CDH12: variants seen among roughly 807,000 people sequenced by gnomAD.
CDH12 encodes cadherin-12.
A neutral mutation model predicts 74.1 loss-of-function variants in CDH12; 41 were observed. That is an observed-to-expected ratio of 0.55 (90% CI 0.43 to 0.72). The LOEUF (loss-of-function observed/expected upper bound fraction) is 0.72, where lower values mean the gene tolerates loss of function less well. Ranked by LOEUF, CDH12 falls within the 30% of genes least tolerant of loss-of-function variation. The pLI is 0.00. For missense variants in CDH12, 945 were observed against 977.2 expected, an observed-to-expected ratio of 0.97 and a Z score of 0.44; for synonymous variants, 399 against 355.0, an observed-to-expected ratio of 1.12 and a Z score of -1.39.
At chr5:22,243,815 C>G (rs1443889893) in intron 3 of CDH12, among the ~76,000 whole-genome samples, 2 of 152,092 alleles carry the variant, frequency 1.3e-5, no homozygotes, top group Non-Finnish European at 2.9e-5. Context: ...GTCTCAGTGT[C>G]CTAACCTGTA....
At chr5:22,126,625 T>G (rs1243667724) in intron 4 of CDH12, among the ~76,000 whole-genome samples, 3 of 152,244 alleles carry the variant, frequency 2.0e-5, no homozygotes, top group African/African-American at 7.2e-5. Flanking sequence ...TCTATTCTAT[T>G]TGAGTATTTG....
intron 1 of CDH12, among the ~76,000 whole-genome samples, chr5:22,519,794 T>C (rs1349124293): frequency 6.6e-6 from 1 of 152,204 alleles, no homozygotes; most frequent in Admixed American, 6.5e-5. Flanking sequence ...TATTTTACTG[T>C]ATAGCTAAAA....
intron 4 of CDH12, among the ~76,000 whole-genome samples, chr5:22,153,876 A>G (rs1207987653): frequency 3.6e-5 from 2 of 55,746 alleles, no homozygotes; most frequent in African/African-American, 1.1e-4. Context: ...ATATATGTAT[A>G]TATATATATA....
intron 6 of CDH12, among the ~76,000 whole-genome samples, chr5:21,955,404 T>C (rs944494591): frequency 1.5e-4 from 23 of 151,940 alleles, no homozygotes; most frequent in Non-Finnish European, 8.8e-5. Context: ...CTAGTTATGG[T>C]GGGATATTAT....
Position 22,019,546 on chromosome 5 carries a change from G to A in CDH12, c.232-44161C>T, listed in dbSNP as rs562979303. On this transcript the variant is annotated intron_variant, in intron 5 of 14. Coordinates refer to ENST00000382254, the MANE Select transcript of CDH12 (RefSeq NM_004061.5). ...TGGAATACTGTCCTCGTAAGGAGAGGAAGAGACTAGAGCTCTCTGTCTCCA... is the reference window on the plus strand; with the variant it reads ...TGGAATACTGTCCTCGTAAGGAGAGAAAGAGACTAGAGCTCTCTGTCTCCA... 2.0e-5 allele frequency among the ~76,000 whole-genome samples: 3 copies of A among 152,260 alleles called. No homozygotes were observed. The East Asian group carries it at 5.8e-4, about 29-fold the overall frequency.
chr5:21,827,041 C>G (rs1748714084), intron 8 of CDH12, among the ~76,000 whole-genome samples: 1 of 151,972 alleles, frequency 6.6e-6, no homozygotes. Context: ...AAGAAAAAGG[C>G]ACAATTGGTT....
At chr5:22,001,469 C>T (rs1736597101) in intron 5 of CDH12, among the ~76,000 whole-genome samples, 1 of 152,016 alleles carries the variant, frequency 6.6e-6, no homozygotes, top group African/African-American at 2.4e-5. Flanking sequence ...TCTTTTGGGG[C>T]TTTTTAGGAA....
chr5:22,333,565 C>A (rs958633282), intron 3 of CDH12, among the ~76,000 whole-genome samples: 1 of 152,080 alleles, frequency 6.6e-6, no homozygotes, highest in Non-Finnish European at 1.5e-5. Context: ...TAAAAAAGAA[C>A]TAGTAATACT....
At chr5:22,549,441 C>T (rs1358543929) in intron 1 of CDH12, among the ~76,000 whole-genome samples, 1 of 151,982 alleles carries the variant, frequency 6.6e-6, no homozygotes, top group East Asian at 1.9e-4. Flanking sequence ...TATAAAGTCT[C>T]AAATTCCAAT....
intron 6 of CDH12, among the ~76,000 whole-genome samples, chr5:21,941,525 C>A (rs536654997): frequency 2.0e-5 from 3 of 151,630 alleles, no homozygotes; most frequent in African/African-American, 7.3e-5. Flanking sequence ...ACTGGTCATT[C>A]CCATTAAGAA....
intron 3 of CDH12, among the ~76,000 whole-genome samples, chr5:22,345,482 TC>T (rs775199192): frequency 1.3e-5 from 2 of 152,222 alleles, no homozygotes; most frequent in Middle Eastern, 3.2e-3. Flanking sequence ...AGCCACAGAT[TC>T]TTTAACTTAT....
At chr5:22,422,797 T>C (rs2126500010) in intron 2 of CDH12, among the ~76,000 whole-genome samples, 1 of 152,288 alleles carries the variant, frequency 6.6e-6, no homozygotes, top group Non-Finnish European at 1.5e-5. Flanking sequence ...TACCTCAGTC[T>C]GAATTGTCAT....
At chr5:22,637,213 TA>T (rs1738886785) in intron 1 of CDH12, among the ~76,000 whole-genome samples, 2 of 152,352 alleles carry the variant, frequency 1.3e-5, no homozygotes, top group South Asian at 4.1e-4. Context: ...TCAGCAATAT[TA>T]AAATCGCACA....
chr5:22,433,968 T>TATAC (rs1447062520), intron 2 of CDH12, among the ~76,000 whole-genome samples: 1 of 152,190 alleles, frequency 6.6e-6, no homozygotes, highest in East Asian at 1.9e-4. Context: ...CCTATGCTTC[T>TATAC]ATACGTTCTG....
At chr5:21,845,246 T>C (rs1373034313) in intron 7 of CDH12, among the ~76,000 whole-genome samples, 3 of 152,136 alleles carry the variant, frequency 2.0e-5, no homozygotes, top group Non-Finnish European at 4.4e-5. Flanking sequence ...AATGACAAGT[T>C]GGTAGGGGAT....
chr5:21,794,255 TTTC>T (rs1214554555), intron 10 of CDH12, among the ~76,000 whole-genome samples: 3 of 151,842 alleles, frequency 2.0e-5, no homozygotes, highest in South Asian at 4.1e-4. Flanking sequence ...TAGCAAATTT[TTTC>T]TTCTTCTCTT....
At chr5:21,782,286 C>T (rs1045030319) in intron 11 of CDH12, among the ~76,000 whole-genome samples, 1 of 152,152 alleles carries the variant, frequency 6.6e-6, no homozygotes. Context: ...GCAGAAGCTG[C>T]GTGATCTTTT....
intron 6 of CDH12, among the ~76,000 whole-genome samples, chr5:21,865,132 G>T (rs1246097604): frequency 1.3e-5 from 2 of 152,156 alleles, no homozygotes; most frequent in African/African-American, 4.8e-5. Context: ...GAACTTAAGA[G>T]CAATGACCTA....
intron 1 of CDH12, among the ~76,000 whole-genome samples, chr5:22,755,722 T>C (rs1488415787): frequency 1.3e-5 from 2 of 152,142 alleles, no homozygotes; most frequent in African/African-American, 4.8e-5. Context: ...TGCCCAAATA[T>C]ATACACAGAA....
Sources: gnomAD v4.1 joint callset for allele counts (sites outside exome capture counted in the v4.1 genomes callset) on GRCh38, gnomAD v4.1.1 for gene constraint, MANE v1.5 for transcripts, NCBI Gene and HGNC (gene_info 2026-07-23, HGNC 2026-07-21) for gene names.